CSGALNACT1: variants seen among roughly 807,000 people sequenced by gnomAD.
CSGALNACT1 encodes beta4GalNAcT-1.
Under a neutral mutation model 51.0 loss-of-function variants are expected in CSGALNACT1, and 52 were observed. That is an observed-to-expected ratio of 1.02 (90% CI 0.82 to 1.29). The LOEUF (loss-of-function observed/expected upper bound fraction) is 1.29, where lower values mean the gene tolerates loss of function less well. CSGALNACT1 is among the 50% of genes most tolerant of loss of function. CSGALNACT1 has a pLI of 0.00. For synonymous variants in CSGALNACT1, 341 were observed against 254.4 expected, an observed-to-expected ratio of 1.34 and a Z score of -3.24; for missense variants, 935 against 679.2, an observed-to-expected ratio of 1.38 and a Z score of -4.19.
In CSGALNACT1 at chr8:19,664,919, C is replaced by A. The variant is rs147619364; in HGVS notation, c.-544+17554G>T. ...ATGGGGGGTGAGAGACAACAAATTACGTAATGGGTACAATGTATACTATTT... is the reference window on the plus strand; with the variant it reads ...ATGGGGGGTGAGAGACAACAAATTAAGTAATGGGTACAATGTATACTATTT... On this transcript the variant is annotated intron_variant, in intron 1 of 9. Transcript: ENST00000332246. Among the ~76,000 whole-genome samples the A allele has an allele frequency of 3.3e-3, 506 of 152,250 alleles. 1 individual carries two copies. Among genetic ancestry groups the A allele is most frequent in the African/African-American group, 0.011 (460 of 41,526 alleles).
At chr8:19,467,642 A>AT (rs1204921963) in intron 4 of CSGALNACT1, among the ~76,000 whole-genome samples, 2 of 151,548 alleles carry the variant, frequency 1.3e-5, no homozygotes, top group Non-Finnish European at 2.9e-5. Flanking sequence ...TTTTTTATTA[A>AT]TTTTTTTCGC....
At chr8:19,668,601 T>A (rs144538417) in intron 1 of CSGALNACT1, among the ~76,000 whole-genome samples, 2 of 152,248 alleles carry the variant, frequency 1.3e-5, no homozygotes, top group African/African-American at 4.8e-5. Flanking sequence ...GTCACACAGG[T>A]TGGAATGTAG....
intron 1 of CSGALNACT1, among the ~76,000 whole-genome samples, chr8:19,727,021 T>C (rs1206408338): frequency 6.6e-6 from 1 of 152,158 alleles, no homozygotes; most frequent in Non-Finnish European, 1.5e-5. Context: ...CCAGCACTTT[T>C]ATTCCCCTCA....
rs377653093 is a variant in CSGALNACT1, at chr8:19,663,647, T to C, written c.-544+18826A>G. On this transcript the variant is annotated intron_variant, in intron 1 of 9. Transcript: ENST00000332246. ...CAAAGATTTGAGGAATGATTACCAA[T>C]TGGGGAGGAAGACAGACACTAGGGA... Among the ~76,000 whole-genome samples the C allele has an allele frequency of 6.8e-4, 103 of 152,224 alleles. 1 individual carries two copies. The highest frequency in any genetic ancestry group is 2.1e-3 in the East Asian group (11 of 5,170).
chr8:19,504,403 G>A (rs547869111), intron 4 of CSGALNACT1, among the ~76,000 whole-genome samples: 1 of 152,268 alleles, frequency 6.6e-6, no homozygotes, highest in Non-Finnish European at 1.5e-5. Flanking sequence ...TTCAGAAATG[G>A]GGAAAGAACT....
At chr8:19,539,660 C>T (rs1455193543) in intron 3 of CSGALNACT1, among the ~76,000 whole-genome samples, 4 of 152,210 alleles carry the variant, frequency 2.6e-5, no homozygotes, top group Non-Finnish European at 5.9e-5. Context: ...AAATACTGCA[C>T]TGTCAGGCCA....
exon 4 of CSGALNACT1, chr8:19,505,821 C>G (rs1468518731): frequency 1.2e-6 from 2 of 1,611,874 alleles, no homozygotes; most frequent in East Asian, 2.2e-5. Flanking sequence ...CAGCCCCCGG[C>G]GAACCATCAT....
At chr8:19,689,411 C>A (rs533003140) in intron 1 of CSGALNACT1, among the ~76,000 whole-genome samples, 3 of 152,182 alleles carry the variant, frequency 2.0e-5, no homozygotes, top group African/African-American at 7.2e-5. Flanking sequence ...GCCCCCTGAA[C>A]GGTCCCAGCT....
chr8:19,420,327 A>G lies in CSGALNACT1; in HGVS notation c.1132+13T>C. 6.2e-7 allele frequency: 1 copy of G among 1,613,928 alleles called. No homozygotes were observed. Among genetic ancestry groups the G allele is most frequent in the Non-Finnish European group, 8.5e-7 (1 of 1,179,822 alleles). ...TGGGGGCCACCTGAGCGTGACAGAG[A>G]GATGATCCATACCTGGCTGTGTATT... On this transcript the variant is annotated intron_variant, in intron 7 of 9. Transcript: ENST00000454498.
chr8:19,538,239 G>A (rs919411046), intron 3 of CSGALNACT1, among the ~76,000 whole-genome samples: 2 of 152,194 alleles, frequency 1.3e-5, no homozygotes, highest in Non-Finnish European at 2.9e-5. Context: ...GCTGAGGCAG[G>A]AAGATTGCTT....
chr8:19,494,358 T>C (rs1370284144), intron 4 of CSGALNACT1, among the ~76,000 whole-genome samples: 2 of 152,188 alleles, frequency 1.3e-5, no homozygotes, highest in East Asian at 3.8e-4. Flanking sequence ...TTGCAAAACA[T>C]GCTCAAGAGT....
At chr8:19,572,763 T>G (rs2043295601) in intron 3 of CSGALNACT1, among the ~76,000 whole-genome samples, 1 of 152,240 alleles carries the variant, frequency 6.6e-6, no homozygotes, top group African/African-American at 2.4e-5. Flanking sequence ...GTTTACACAT[T>G]TAATGTGTAT....
intron 3 of CSGALNACT1, among the ~76,000 whole-genome samples, chr8:19,523,208 C>A (rs960634208): frequency 2.6e-5 from 4 of 152,162 alleles, no homozygotes; most frequent in African/African-American, 9.7e-5. Flanking sequence ...ACCCACCTCG[C>A]TCTATAGGAA....
At chr8:19,702,015 T>A (rs1391556921) in intron 1 of CSGALNACT1, among the ~76,000 whole-genome samples, 1 of 152,204 alleles carries the variant, frequency 6.6e-6, no homozygotes, top group Non-Finnish European at 1.5e-5. Flanking sequence ...GGAACTGAGA[T>A]TCTTACAGGT....
intron 4 of CSGALNACT1, among the ~76,000 whole-genome samples, chr8:19,459,444 T>C (rs367701910): frequency 7.2e-6 from 1 of 138,410 alleles, no homozygotes; most frequent in Non-Finnish European, 1.6e-5. Context: ...GAACTGACCA[T>C]AGTAATCTAT....
chr8:19,511,561 A>G (rs1011434297), intron 3 of CSGALNACT1, among the ~76,000 whole-genome samples: 1 of 152,240 alleles, frequency 6.6e-6, no homozygotes, highest in African/African-American at 2.4e-5. Flanking sequence ...GGCTTCATTT[A>G]GAATTCCCTC....
At chr8:19,674,813 T>C (rs2060053791) in intron 1 of CSGALNACT1, among the ~76,000 whole-genome samples, 1 of 152,068 alleles carries the variant, frequency 6.6e-6, no homozygotes, top group Non-Finnish European at 1.5e-5. Flanking sequence ...AGAAGTTGTC[T>C]GGTTGTAGAT....
chr8:19,415,923 A>G (rs2056770891), intron 8 of CSGALNACT1, among the ~76,000 whole-genome samples: 1 of 152,204 alleles, frequency 6.6e-6, no homozygotes, highest in Non-Finnish European at 1.5e-5. Flanking sequence ...CAATTGTAAC[A>G]CAATGGTATT....
chr8:19,703,146 A>G (rs1400975581), intron 1 of CSGALNACT1, among the ~76,000 whole-genome samples: 2 of 151,992 alleles, frequency 1.3e-5, no homozygotes, highest in Non-Finnish European at 2.9e-5. Context: ...TCTATTACCA[A>G]AATAACCCAA....
Sources: gnomAD v4.1 joint callset for allele counts (sites outside exome capture counted in the v4.1 genomes callset) on GRCh38, gnomAD v4.1.1 for gene constraint, MANE v1.5 for transcripts, NCBI Gene and HGNC (gene_info 2026-07-23, HGNC 2026-07-21) for gene names.